Variants in PDGFRA observed in about 807,000 individuals in gnomAD.
The protein encoded by PDGFRA is platelet-derived growth factor receptor alpha.
In PDGFRA, 25 loss-of-function variants were observed where a neutral mutation model predicts 121.5. That is an observed-to-expected ratio of 0.21 (90% CI 0.15 to 0.29). The LOEUF (loss-of-function observed/expected upper bound fraction) is 0.29, where lower values mean the gene tolerates loss of function less well. Ranked by LOEUF, PDGFRA falls within the 10% of genes least tolerant of loss-of-function variation. PDGFRA has a pLI of 1.00. For missense variants in PDGFRA, 1,008 were observed against 1,345.1 expected, an observed-to-expected ratio of 0.75 and a Z score of 3.92; for synonymous variants, 463 against 494.8, an observed-to-expected ratio of 0.94 and a Z score of 0.85.
At chr4:54,265,959 C>T (rs1723008605) in intron 5 of PDGFRA, among the ~76,000 whole-genome samples, 1 of 152,196 alleles carries the variant, frequency 6.6e-6, no homozygotes, top group Non-Finnish European at 1.5e-5. Flanking sequence ...TTCTCTCTCC[C>T]ATGCATTTGC....
chr4:54,277,510 G>A lies in PDGFRA; in HGVS notation c.1891+18G>A, dbSNP rs530680239. 7.1e-6 allele frequency: 11 copies of A among 1,544,406 alleles called. No homozygotes were observed. The South Asian group carries it at 1.0e-4, about 14-fold the overall frequency. ...GCTAAAACGTAAGTGCTCCTTCCTG[G>A]GGATTTTTTGAGCACGGGGATTTTT... is the stretch of plus-strand genomic sequence containing the variant. On this transcript the variant is annotated intron_variant, in intron 13 of 22. Transcript: ENST00000257290.
intron 18 of PDGFRA, among the ~76,000 whole-genome samples, chr4:54,286,856 A>G (rs543306463): frequency 2.0e-5 from 3 of 152,292 alleles, no homozygotes; most frequent in East Asian, 3.9e-4. Context: ...TACTTGAACC[A>G]TTCTTCCCAT....
chr4:54,240,589 T>C (rs2110187722), intron 1 of PDGFRA, among the ~76,000 whole-genome samples: 1 of 152,356 alleles, frequency 6.6e-6, no homozygotes, highest in African/African-American at 2.4e-5. Context: ...TTTCTTTTCT[T>C]ATTGTCACTT....
intron 1 of PDGFRA, among the ~76,000 whole-genome samples, chr4:54,240,900 G>T (rs568814198): frequency 6.6e-6 from 1 of 152,196 alleles, no homozygotes; most frequent in Non-Finnish European, 1.5e-5. Flanking sequence ...AAAGATAAAA[G>T]CTATTGGATC....
At chr4:54,242,231 C>T (rs1721343071) in intron 1 of PDGFRA, among the ~76,000 whole-genome samples, 1 of 152,056 alleles carries the variant, frequency 6.6e-6, no homozygotes, top group African/African-American at 2.4e-5. Flanking sequence ...TTTTTGTCTC[C>T]ATCGACAGCT....
At chr4:54,287,164 G>A (rs1030095127) in intron 18 of PDGFRA, among the ~76,000 whole-genome samples, 1 of 152,056 alleles carries the variant, frequency 6.6e-6, no homozygotes, top group Non-Finnish European at 1.5e-5. Context: ...TGAAAATTCA[G>A]GATTAATGTT....
chr4:54,291,126 C>A (rs1171814057), intron 22 of PDGFRA, among the ~76,000 whole-genome samples: 1 of 152,142 alleles, frequency 6.6e-6, no homozygotes, highest in Non-Finnish European at 1.5e-5. Flanking sequence ...GTGCACAATT[C>A]ACATAGTATA....
intron 1 of PDGFRA, among the ~76,000 whole-genome samples, chr4:54,235,592 TA>T (rs1240090681): frequency 6.6e-6 from 1 of 152,248 alleles, no homozygotes; most frequent in Non-Finnish European, 1.5e-5. Flanking sequence ...ATGGTCTTTA[TA>T]GCCACACCAG....
chr4:54,270,606 G>C (rs1420702834), intron 7 of PDGFRA, 27 bp from the exon 8 acceptor site: 1 of 1,293,184 alleles, frequency 7.7e-7, no homozygotes, highest in African/African-American at 1.5e-5. Flanking sequence ...GCTACTGCTT[G>C]TTGAAACAAA....
In PDGFRA at chr4:54,248,876, A is replaced by G. The variant is rs1577687983; in HGVS notation, c.-12-9881A>G. On this transcript the variant is annotated intron_variant, in intron 1 of 22. Transcript: ENST00000257290. ...GAACTTTAACAAATTTACAGGAAAA[A>G]AACAAACAACCCCATCAAAAAGTGG... 3.9e-5 allele frequency among the ~76,000 whole-genome samples: 6 copies of G among 152,324 alleles called. No homozygotes were observed. The South Asian group carries it at 1.2e-3, about 32-fold the overall frequency.
intron 1 of PDGFRA, among the ~76,000 whole-genome samples, chr4:54,245,823 C>T (rs1721620854): frequency 6.6e-6 from 1 of 152,120 alleles, no homozygotes; most frequent in African/African-American, 2.4e-5. Context: ...AAACCCATCT[C>T]ACGTGCAGAG....
At chr4:54,294,411 C>G (rs1724777994) in intron 22 of PDGFRA, among the ~76,000 whole-genome samples, 1 of 152,074 alleles carries the variant, frequency 6.6e-6, no homozygotes. Context: ...GAAAGGTGCC[C>G]AGAAGTTTTC....
chr4:54,251,065 CAAAAAAAA>C (rs566538469), intron 1 of PDGFRA, among the ~76,000 whole-genome samples: 63 of 51,846 alleles, frequency 1.2e-3, no homozygotes, highest in Non-Finnish European at 1.3e-3. Flanking sequence ...AACTCCGTCT[CAAAAAAAA>C]AAAAAAAAAA....
intron 4 of PDGFRA, 26 bp downstream of exon 4, chr4:54,263,953 T>A (rs2110254361): frequency 6.2e-7 from 1 of 1,609,374 alleles, no homozygotes. Context: ...CCTTCCTTCT[T>A]TAAATAAGAG....
chr4:54,269,014 T>TG (rs1269744967), intron 7 of PDGFRA, among the ~76,000 whole-genome samples: 3 of 152,002 alleles, frequency 2.0e-5, no homozygotes. Context: ...ACATGGTAGA[T>TG]GGGGGATCTG....
In PDGFRA at chr4:54,258,865, T is replaced by C. The variant is rs745418548; in HGVS notation, c.49+48T>C. 49 of 1,502,918 alleles carry C rather than the reference T, an allele frequency of 3.3e-5. No individual in the cohort carries two copies. In the African/African-American group the frequency reaches 4.8e-4, roughly 15 times the overall value. The allele number at this position is 1,502,918 out of a possible 1,614,324, so 93.1% of individuals were successfully genotyped here. A position where few individuals can be genotyped will look rare whatever the true frequency, so the allele number is the denominator to read the frequency against. On this transcript the variant is annotated intron_variant, in intron 2 of 22. Coordinates refer to ENST00000257290, the MANE Select transcript of PDGFRA (RefSeq NM_006206.6). ...AGTTCCTTGTTTGGGTGTCTTGTTT[T>C]TTTAAGCTTTGTGCTGCATGGGTTT...
intron 22 of PDGFRA, among the ~76,000 whole-genome samples, chr4:54,294,694 C>A (rs987653685): frequency 3.3e-5 from 5 of 152,062 alleles, no homozygotes; most frequent in African/African-American, 1.2e-4. Context: ...AGGCAAGTGG[C>A]AGGAGATCCT....
intron 7 of PDGFRA, among the ~76,000 whole-genome samples, chr4:54,270,304 G>C (rs554670087): frequency 1.1e-4 from 17 of 152,122 alleles, no homozygotes; most frequent in African/African-American, 4.1e-4. Context: ...AAAAATCAAA[G>C]GTTTTTATTT....
chr4:54,243,159 C>T (rs974777313), intron 1 of PDGFRA, among the ~76,000 whole-genome samples: 12 of 152,200 alleles, frequency 7.9e-5, no homozygotes, highest in African/African-American at 2.4e-4. Context: ...TGGGGAACAT[C>T]GTTGCAGTGA....
Sources: gnomAD v4.1 joint callset for allele counts (sites outside exome capture counted in the v4.1 genomes callset) on GRCh38, gnomAD v4.1.1 for gene constraint, MANE v1.5 for transcripts, NCBI Gene and HGNC (gene_info 2026-07-23, HGNC 2026-07-21) for gene names.